Variants in YAF2 observed in about 807,000 individuals in gnomAD.
The protein encoded by YAF2 is YY1 associated factor 2.
In YAF2, 7 loss-of-function variants were observed where a neutral mutation model predicts 20.1. The observed-to-expected ratio is 0.35, with a 90% CI of 0.20 to 0.65. YAF2 has a LOEUF of 0.65. Ranked by LOEUF, YAF2 falls within the 30% of genes least tolerant of loss-of-function variation. YAF2 has a pLI of 0.69. For missense variants in YAF2, 151 were observed against 219.2 expected (o/e 0.69, Z 1.96); for synonymous variants, 74 against 76.0 (o/e 0.97, Z 0.14).
At chr12:42,233,148 C>T in intron 2 of YAF2, 1 of 985,294 alleles carries the variant, frequency 1.0e-6, no homozygotes. Context: ...CCCAGGTTAC[C>T]AAAATCATAC....
intron 2 of YAF2, among the ~76,000 whole-genome samples, chr12:42,162,807 T>C (rs1017989571): frequency 1.1e-4 from 16 of 152,138 alleles, no homozygotes; most frequent in African/African-American, 3.6e-4. Context: ...TATCAGGAGA[T>C]GGATAATGAA....
At chr12:42,177,206 C>G (rs942365274) in intron 2 of YAF2, among the ~76,000 whole-genome samples, 1 of 152,170 alleles carries the variant, frequency 6.6e-6, no homozygotes, top group Non-Finnish European at 1.5e-5. Flanking sequence ...ATAGGCTCTT[C>G]CTATCTGATC....
intron 2 of YAF2, 67 bp downstream of exon 2, chr12:42,237,532 G>C: frequency 2.1e-6 from 3 of 1,422,426 alleles, no homozygotes; most frequent in Non-Finnish European, 2.8e-6. Context: ...GGGGGCGGCA[G>C]CCGCAAGGGC....
intron 2 of YAF2, among the ~76,000 whole-genome samples, chr12:42,189,680 C>T (rs1292485128): frequency 1.3e-5 from 2 of 151,872 alleles, no homozygotes; most frequent in African/African-American, 4.8e-5. Flanking sequence ...TAGTATATGC[C>T]TTTTTTGCAG....
chr12:42,235,567 G>C (rs1239873714), intron 2 of YAF2: 1 of 1,396,392 alleles, frequency 7.2e-7, no homozygotes, highest in African/African-American at 1.5e-5. Flanking sequence ...AGAGAATTCA[G>C]AGAGAGGAAG....
intron 2 of YAF2, chr12:42,172,275 T>G (rs1015874455): frequency 3.3e-5 from 5 of 152,236 alleles, no homozygotes; most frequent in African/African-American, 1.2e-4. Flanking sequence ...AGTAACCACT[T>G]ACATTTTTAT....
intron 2 of YAF2, among the ~76,000 whole-genome samples, chr12:42,179,403 GAGGTTTT>G (rs1418494713): frequency 1.3e-5 from 2 of 152,210 alleles, no homozygotes; most frequent in Non-Finnish European, 2.9e-5. Context: ...CCAGGAGAAA[GAGGTTTT>G]AGTGAGCCAA....
At chr12:42,175,235 G>A (rs76395159) in intron 2 of YAF2, among the ~76,000 whole-genome samples, 2,198 of 152,246 alleles carry the variant, frequency 0.014, 53 homozygotes, top group African/African-American at 0.05. Flanking sequence ...GAGTTATGCC[G>A]AGTGAAAGAG....
Position 42,159,465 on chromosome 12 carries a change from G to T in YAF2, c.*1124C>A, listed in dbSNP as rs2065758484. 1 of 151,986 alleles carries T rather than the reference G, an allele frequency of 6.6e-6. No individual in the cohort carries two copies. The highest frequency in any genetic ancestry group is 2.4e-5 in the African/African-American group (1 of 41,420). 9.4% of individuals were successfully genotyped at this position (151,986 alleles called of 1,614,324 possible). ...TCTGTAGTCATAAAAATATTTTATT[G>T]GTAATTTTACATAGTATAAGTGGGG... On this transcript the variant is annotated 3_prime_UTR_variant, in exon 4 of 4. Transcript: ENST00000534854.
intron 2 of YAF2, among the ~76,000 whole-genome samples, chr12:42,178,192 T>A (rs1335187109): frequency 6.6e-6 from 1 of 152,158 alleles, no homozygotes; most frequent in Non-Finnish European, 1.5e-5. Flanking sequence ...CTACAAAAAA[T>A]TTCCAGGGAT....
chr12:42,234,375 GGAGT>G (rs2068078984), intron 2 of YAF2: 3 of 985,288 alleles, frequency 3.0e-6, no homozygotes, highest in African/African-American at 1.7e-5. Flanking sequence ...AAAAAATTTT[GGAGT>G]GAGGGGCTGA....
chr12:42,209,361 C>T (rs576378549), intron 2 of YAF2, among the ~76,000 whole-genome samples: 3 of 151,352 alleles, frequency 2.0e-5, no homozygotes, highest in African/African-American at 2.4e-5. Context: ...TTCATGAGTT[C>T]GAGATCAGCC....
intron 2 of YAF2, chr12:42,233,246 T>G (rs1245291595): frequency 1.4e-5 from 14 of 985,294 alleles, no homozygotes; most frequent in Non-Finnish European, 1.7e-5. Context: ...AAAGGACTGT[T>G]ATAATATCCT....
At chr12:42,191,665 T>TA (rs555531318) in intron 2 of YAF2, among the ~76,000 whole-genome samples, 111 of 152,292 alleles carry the variant, frequency 7.3e-4, no homozygotes, top group African/African-American at 2.5e-3. Flanking sequence ...GCATCACACT[T>TA]AGTGTTAGGA....
chr12:42,206,925 C>T (rs1251866681), intron 2 of YAF2, among the ~76,000 whole-genome samples: 1 of 152,098 alleles, frequency 6.6e-6, no homozygotes, highest in Non-Finnish European at 1.5e-5. Flanking sequence ...CATATACCTT[C>T]TACCCAGATT....
chr12:42,204,067 T>TA (rs1232195774), intron 2 of YAF2, among the ~76,000 whole-genome samples: 3 of 151,940 alleles, frequency 2.0e-5, no homozygotes, highest in Non-Finnish European at 2.9e-5. Flanking sequence ...ACCCCATCTC[T>TA]AAAAAAACCA....
chr12:42,172,480 T>C (rs11181363), intron 2 of YAF2, among the ~76,000 whole-genome samples: 21,745 of 152,178 alleles, frequency 0.14, 1,630 homozygotes, highest in South Asian at 0.19. Context: ...CATACAATTT[T>C]ATATAAGCCA....
At chr12:42,165,540 T>G (rs187892712) in intron 2 of YAF2, among the ~76,000 whole-genome samples, 139 of 152,208 alleles carry the variant, frequency 9.1e-4, no homozygotes, top group African/African-American at 3.1e-3. Flanking sequence ...CTCAGGTCAC[T>G]GCAAGCTCTG....
intron 2 of YAF2, among the ~76,000 whole-genome samples, chr12:42,201,060 A>C (rs1210097603): frequency 6.6e-6 from 1 of 152,228 alleles, no homozygotes; most frequent in Non-Finnish European, 1.5e-5. Context: ...GTTGAAATAA[A>C]TACTAATTAA....
Sources: allele counts gnomAD v4.1 joint callset (sites outside exome capture counted in the v4.1 genomes callset), GRCh38; gene constraint gnomAD v4.1.1; transcripts MANE v1.5; gene names NCBI Gene and HGNC (gene_info 2026-07-23, HGNC 2026-07-21).